ATCAY: variants seen among roughly 807,000 people sequenced by gnomAD.
ATCAY encodes the protein caytaxin.
ATCAY carries 22 observed loss-of-function variants against 47.7 expected under a neutral mutation model. That is an observed-to-expected ratio of 0.46 (90% CI 0.33 to 0.66). ATCAY has a LOEUF of 0.66. ATCAY is among the 30% of genes least tolerant of loss of function. The pLI, the probability that ATCAY is intolerant of heterozygous loss-of-function variation, is 0.02. For missense variants in ATCAY, 452 were observed against 515.0 expected (o/e 0.88, Z 1.18); for synonymous variants, 216 against 207.6 (o/e 1.04, Z -0.35).
At chr19:3,902,306 A>G (rs927964552) in intron 2 of ATCAY, among the ~76,000 whole-genome samples, 181 bp from the exon 3 acceptor site, 3 of 152,202 alleles carry the variant, frequency 2.0e-5, no homozygotes, top group African/African-American at 7.2e-5. Context: ...TGGGCGATAC[A>G]GTGAGGCTCT....
At position 3,884,405 on chromosome 19, in the gene ATCAY, G is replaced by A. The variant is rs562583892; in HGVS notation, c.-41-1322G>A. On this transcript the variant is annotated intron_variant, in intron 1 of 12. Transcript: ENST00000450849. ...GAGCCCTGGAGTCAGAAAGTCACTA[G>A]GACTTGCTTGAGGGAGGACAGAGAG... Among the ~76,000 whole-genome samples the A allele has an allele frequency of 5.3e-5, 8 of 152,258 alleles. 1 individual carries two copies. Among genetic ancestry groups the A allele is most frequent in the Admixed American group, 5.2e-4 (8 of 15,276 alleles).
rs1234958255 is a variant in ATCAY, at chr19:3,908,351, A to C, written c.628A>C (p.Ile210Leu). 2 of 1,591,670 alleles carry C rather than the reference A, an allele frequency of 1.3e-6. No individual in the cohort carries two copies. Among genetic ancestry groups the C allele is most frequent in the African/African-American group, 2.7e-5 (2 of 74,426 alleles). Residue 210 changes from isoleucine (I) to leucine (L), a missense_variant, in exon 6 of 13, where the codon ATC becomes CTC. Physicochemically the swap from Ile to Leu is conservative, Grantham distance 5. Coordinates refer to ENST00000450849, the MANE Select transcript of ATCAY (RefSeq NM_033064.5). ...PDSSLPDYHY[I>L]MENLFLYVIS... is the part of the protein sequence containing the mutation. ...CAGCAGCCTCCCCGACTACCACTAC[A>C]TCATGGAGAACCTCTTCCTGTGAGT...
intron 1 of ATCAY, among the ~76,000 whole-genome samples, 151 bp from the exon 2 acceptor site, chr19:3,885,576 A>AAGGAGAG (rs1342127674): frequency 7.3e-6 from 1 of 136,218 alleles, no homozygotes; most frequent in Non-Finnish European, 1.6e-5. Context: ...GAAGAAGGAG[A>AAGGAGAG]AGGAGAGAGG....
intron 12 of ATCAY, among the ~76,000 whole-genome samples, chr19:3,921,751 G>T (rs1568454465): frequency 1.3e-5 from 2 of 152,106 alleles, no homozygotes; most frequent in Non-Finnish European, 2.9e-5. Context: ...TATAAAATTA[G>T]CTGGGTGTGG....
chr19:3,891,203 C>T (rs2038715460), intron 2 of ATCAY, among the ~76,000 whole-genome samples: 1 of 152,080 alleles, frequency 6.6e-6, no homozygotes, highest in Non-Finnish European at 1.5e-5. Flanking sequence ...AGGTACGCAC[C>T]ACCATGCCTG....
chr19:3,902,455 C>T (rs745659774), intron 2 of ATCAY, 32 bp from the exon 3 acceptor site: 23 of 1,556,870 alleles, frequency 1.5e-5, no homozygotes, highest in South Asian at 3.6e-5. Flanking sequence ...TGGTGCCCGG[C>T]GACTGATGCC....
chr19:3,884,073 G>A (rs1380792635), intron 1 of ATCAY, among the ~76,000 whole-genome samples: 1 of 152,074 alleles, frequency 6.6e-6, no homozygotes, highest in East Asian at 1.9e-4. Flanking sequence ...GGAGGCTGAG[G>A]CAAGAGGATC....
At chr19:3,909,957 C>A (rs538531641) in intron 7 of ATCAY, among the ~76,000 whole-genome samples, 4 of 152,094 alleles carry the variant, frequency 2.6e-5, no homozygotes, top group Non-Finnish European at 4.4e-5. Flanking sequence ...GGCGTGGTGG[C>A]GCATGCCTGT....
intron 12 of ATCAY, among the ~76,000 whole-genome samples, chr19:3,923,435 A>AATGG (rs769573120): frequency 6.6e-6 from 1 of 151,636 alleles, no homozygotes; most frequent in Non-Finnish European, 1.5e-5. Context: ...TAGGTGGATA[A>AATGG]ATGGATGGAT....
At chr19:3,883,171 C>T (rs546278026) in intron 1 of ATCAY, among the ~76,000 whole-genome samples, 4 of 152,004 alleles carry the variant, frequency 2.6e-5, no homozygotes, top group South Asian at 2.1e-4. Flanking sequence ...GTCAGGAGTT[C>T]GAGACCAGCC....
rs1178436271 is a variant in ATCAY at position 3,887,001 on chromosome 19, A to C, written c.77+1157A>C. 5.3e-5 allele frequency among the ~76,000 whole-genome samples: 8 copies of C among 152,150 alleles called. No homozygotes were observed. In the East Asian group the frequency reaches 1.5e-3, roughly 29 times the overall value. On this transcript the variant is annotated intron_variant, in intron 2 of 12. Coordinates refer to ENST00000450849, the MANE Select transcript of ATCAY (RefSeq NM_033064.5). ...CCGGCCCCTACGCTGAACATTTTGC[A>C]GGGACATCTTGTCTACACTCTGTCT...
In ATCAY at chr19:3,917,737, T is replaced by G. The variant is rs1420567970; in HGVS notation, c.966-5T>G. 1 of 1,613,398 alleles carries G rather than the reference T, an allele frequency of 6.2e-7. No individual in the cohort carries two copies. The highest frequency in any genetic ancestry group is 1.3e-5 in the African/African-American group (1 of 74,914). The stretch of plus-strand genomic sequence containing the variant: ...TTGTGTCTGACATCTTTTTCTTTCT[T>G]TCAGATACGAAGAGGAAAGACTGAA... On this transcript the variant is annotated splice_polypyrimidine_tract_variant and splice_region_variant and intron_variant, in intron 9 of 12. Transcript: ENST00000450849.
chr19:3,890,705 G>A (rs576465866), intron 2 of ATCAY, among the ~76,000 whole-genome samples: 66 of 152,190 alleles, frequency 4.3e-4, no homozygotes, highest in Non-Finnish European at 6.8e-4. Context: ...TGTGTTTCTG[G>A]TGGATTTCTT....
At chr19:3,886,083 T>G (rs1462604656) in intron 2 of ATCAY, among the ~76,000 whole-genome samples, 1 of 152,170 alleles carries the variant, frequency 6.6e-6, no homozygotes, top group South Asian at 2.1e-4. Context: ...TGCTCAATGA[T>G]TTAAGATTCA....
chr19:3,884,012 T>TGTGGGGG (rs2038624978), intron 1 of ATCAY, among the ~76,000 whole-genome samples: 1 of 150,186 alleles, frequency 6.7e-6, no homozygotes, highest in Non-Finnish European at 1.5e-5. Context: ...ACAAAACTGG[T>TGTGGGGG]GTGGGGGGTG....
At chr19:3,890,898 G>A (rs1365473607) in intron 2 of ATCAY, among the ~76,000 whole-genome samples, 7 of 152,090 alleles carry the variant, frequency 4.6e-5, no homozygotes, top group African/African-American at 7.2e-5. Context: ...GTCCAGCTGC[G>A]GCCACACATA....
intron 12 of ATCAY, among the ~76,000 whole-genome samples, chr19:3,921,281 C>T (rs1288365208): frequency 1.3e-5 from 2 of 151,890 alleles, no homozygotes; most frequent in African/African-American, 4.8e-5. Context: ...GAGGCCGAGG[C>T]AGGCGGATCA....
intron 2 of ATCAY, among the ~76,000 whole-genome samples, chr19:3,887,138 C>T (rs1252241323): frequency 6.6e-6 from 1 of 152,056 alleles, no homozygotes; most frequent in Non-Finnish European, 1.5e-5. Flanking sequence ...TATTGGGTGA[C>T]AGGTGCTGAT....
In ATCAY at chr19:3,918,837, A is replaced by G; in HGVS notation, c.1033A>G (p.Arg345Gly). The G allele has an allele frequency of 6.2e-7, 1 of 1,613,982 alleles. No homozygotes were observed. The highest frequency in any genetic ancestry group is 8.5e-7 in the Non-Finnish European group (1 of 1,179,862). ...GCCCCAGCCGGAGTTTGTGCTGCCC[A>G]GGTCTGAAGAGAAGCCAGAGGTGGC... ...ARPQPEFVLPRSEEKPEVAPV... is the reference protein window; with the variant it reads ...ARPQPEFVLPGSEEKPEVAPV... The change falls in exon 11 of 13, where the codon AGG becomes GGG. Residue 345 changes from arginine (R) to glycine (G), a missense_variant. Arg to Gly is a moderately radical substitution (Grantham distance 125). Coordinates refer to ENST00000450849, the MANE Select transcript of ATCAY (RefSeq NM_033064.5).
Sources: allele counts gnomAD v4.1 joint callset (sites outside exome capture counted in the v4.1 genomes callset), GRCh38; gene constraint gnomAD v4.1.1; transcripts MANE v1.5; gene names NCBI Gene and HGNC (gene_info 2026-07-23, HGNC 2026-07-21).